The following SUGCT variants were observed in gnomAD, a reference collection of about 807,000 sequenced individuals.
SUGCT encodes the protein succinyl-CoA:glutarate CoA-transferase.
Under a neutral mutation model 55.0 loss-of-function variants are expected in SUGCT, and 41 were observed. That is an observed-to-expected ratio of 0.74 (90% CI 0.58 to 0.97). The LOEUF (loss-of-function observed/expected upper bound fraction) is 0.97. Among genes scored for constraint, SUGCT ranks in the 50% least tolerant of loss-of-function variants. The pLI is 0.00. For missense variants in SUGCT, 568 were observed against 547.8 expected (o/e 1.04, Z -0.37); for synonymous variants, 187 against 200.4 (o/e 0.93, Z 0.56).
At chr7:40,576,020 C>A (rs1456780842) in intron 12 of SUGCT, among the ~76,000 whole-genome samples, 1 of 151,734 alleles carries the variant, frequency 6.6e-6, no homozygotes, top group Non-Finnish European at 1.5e-5. Flanking sequence ...AAAAACTAGA[C>A]AGTATCACTG....
chr7:40,736,634 G>A (rs1562971288), intron 12 of SUGCT, among the ~76,000 whole-genome samples: 1 of 151,926 alleles, frequency 6.6e-6, no homozygotes, highest in African/African-American at 2.4e-5. Context: ...TTAGAATCAT[G>A]GCTGACTTCT....
chr7:40,178,787 C>T (rs1163980552), intron 1 of SUGCT, among the ~76,000 whole-genome samples: 1 of 152,052 alleles, frequency 6.6e-6, no homozygotes, highest in African/African-American at 2.4e-5. Context: ...GAAATTTATG[C>T]CTTTCAGTTC....
intron 13 of SUGCT, among the ~76,000 whole-genome samples, chr7:40,793,027 G>A (rs1488142052): frequency 6.6e-6 from 1 of 152,086 alleles, no homozygotes; most frequent in African/African-American, 2.4e-5. Context: ...AGGACGCATT[G>A]TCTTAGACTA....
chr7:40,579,027 CA>C (rs1796931064), intron 12 of SUGCT, among the ~76,000 whole-genome samples: 1 of 152,130 alleles, frequency 6.6e-6, no homozygotes, highest in South Asian at 2.1e-4. Flanking sequence ...TGCTTGGCTC[CA>C]GGGACAGTAC....
rs542350616 is a variant in SUGCT, at chr7:40,188,370, G to T, written c.227-125G>T. The T allele has an allele frequency of 3.6e-5, 23 of 639,214 alleles. No homozygotes were observed. In the South Asian group the frequency reaches 4.4e-4, roughly 12 times the overall value. The allele number at this position is 639,214 out of a possible 1,614,324, so 39.6% of individuals were successfully genotyped here. On this transcript the variant is annotated intron_variant, in intron 3 of 13. Transcript: ENST00000335693. ...AATTACCCGAACCCAGGAGGTAGAGGTTGCAGTGAGCAGAGATCGTTCCTC... is the reference window on the plus strand; with the variant it reads ...AATTACCCGAACCCAGGAGGTAGAGTTTGCAGTGAGCAGAGATCGTTCCTC...
At chr7:40,696,879 G>T (rs1784957349) in intron 12 of SUGCT, among the ~76,000 whole-genome samples, 1 of 152,132 alleles carries the variant, frequency 6.6e-6, no homozygotes, top group Non-Finnish European at 1.5e-5. Flanking sequence ...AGGGTCTGTG[G>T]AATATGAAAA....
chr7:40,245,423 A>ATATATATATTTTTTTTTT (rs1344678220), intron 7 of SUGCT, among the ~76,000 whole-genome samples: 1 of 54,604 alleles, frequency 1.8e-5, no homozygotes. Context: ...ATATATATAT[A>ATATATATATTTTTTTTTT]TTTTTTTTTT....
intron 7 of SUGCT, among the ~76,000 whole-genome samples, chr7:40,261,959 T>G (rs76655730): frequency 6.6e-6 from 1 of 152,186 alleles, no homozygotes; most frequent in Non-Finnish European, 1.5e-5. Flanking sequence ...CCTTAAAATA[T>G]CACAATTCCC....
Position 40,521,197 on chromosome 7 carries a change from A to G in SUGCT, c.1089+24811A>G, listed in dbSNP as rs1057044170. ...GATTGGCTCATGGGGGCGGATTCAC[A>G]TTAATGGTTTAGTGCCATCCCCGTG... On this transcript the variant is annotated intron_variant, in intron 12 of 13. Coordinates refer to ENST00000335693, the MANE Select transcript of SUGCT (RefSeq NM_001193313.2). 8.5e-5 allele frequency among the ~76,000 whole-genome samples: 13 copies of G among 152,240 alleles called. No individual in the cohort carries two copies. The East Asian group carries it at 2.1e-3, about 25-fold the overall frequency.
intron 3 of SUGCT, among the ~76,000 whole-genome samples, chr7:40,186,128 CTTCT>C (rs979536261): frequency 2.5e-5 from 3 of 120,270 alleles, no homozygotes; most frequent in African/African-American, 4.6e-5. Flanking sequence ...CCTTTCTTTC[CTTCT>C]TTCTTTCTCT....
At chr7:40,415,066 A>ATCTGTCTG (rs1562760154) in intron 9 of SUGCT, among the ~76,000 whole-genome samples, 6 of 71,184 alleles carry the variant, frequency 8.4e-5, no homozygotes, top group Non-Finnish European at 1.6e-4. Context: ...AAAAAAATCT[A>ATCTGTCTG]TCTATCTATC....
intron 1 of SUGCT, among the ~76,000 whole-genome samples, chr7:40,167,622 G>A (rs1404396335): frequency 6.6e-6 from 1 of 152,174 alleles, no homozygotes; most frequent in African/African-American, 2.4e-5. Context: ...ATTATAAGCT[G>A]TGGGTCACGG....
intron 9 of SUGCT, among the ~76,000 whole-genome samples, chr7:40,362,456 A>G (rs1798204412): frequency 1.3e-5 from 2 of 152,106 alleles, no homozygotes; most frequent in South Asian, 4.1e-4. Context: ...AGTTCAGCCA[A>G]CCAACCAATC....
chr7:40,408,819 A>G (rs1786513889), intron 9 of SUGCT, among the ~76,000 whole-genome samples: 1 of 152,220 alleles, frequency 6.6e-6, no homozygotes, highest in Non-Finnish European at 1.5e-5. Context: ...GGGCCCTTCA[A>G]ATAGTTATTC....
At chr7:40,745,607 T>C (rs1272525776) in intron 12 of SUGCT, among the ~76,000 whole-genome samples, 1 of 152,152 alleles carries the variant, frequency 6.6e-6, no homozygotes, top group Non-Finnish European at 1.5e-5. Context: ...TGACTACAAT[T>C]CTATTCTTGT....
the SUGCT span, among the ~76,000 whole-genome samples, chr7:40,942,759 TTC>T: frequency 2.1e-4 from 27 of 131,044 alleles, no homozygotes; most frequent in African/African-American, 6.4e-4. Flanking sequence ...TTCTTTTAAA[TTC>T]TCTGTCTTTT....
At chr7:40,656,501 A>G (rs900649161) in intron 12 of SUGCT, among the ~76,000 whole-genome samples, 3 of 152,214 alleles carry the variant, frequency 2.0e-5, no homozygotes, top group African/African-American at 4.8e-5. Context: ...AATTAAACCA[A>G]CTGTCCTAAG....
At chr7:40,437,195 G>A in intron 9 of SUGCT, among the ~76,000 whole-genome samples, 1 of 152,048 alleles carries the variant, frequency 6.6e-6, no homozygotes, top group East Asian at 1.9e-4. Context: ...AATATATGAG[G>A]CAGTTGCCCA....
At chr7:40,629,525 TA>T (rs1395260434) in intron 12 of SUGCT, among the ~76,000 whole-genome samples, 1 of 131,276 alleles carries the variant, frequency 7.6e-6, no homozygotes, top group Admixed American at 7.4e-5. Context: ...GTGGCAGGAA[TA>T]GGGGGCTGGA....
Sources: allele counts gnomAD v4.1 joint callset (sites outside exome capture counted in the v4.1 genomes callset), GRCh38; gene constraint gnomAD v4.1.1; transcripts MANE v1.5; gene names NCBI Gene and HGNC (gene_info 2026-07-23, HGNC 2026-07-21).